CD109: variants seen among roughly 807,000 people sequenced by gnomAD.
CD109 encodes the protein CD109 molecule.
CD109 carries 149 observed loss-of-function variants against 165.8 expected under a neutral mutation model. The observed-to-expected ratio is 0.90, with a 90% confidence interval of 0.79 to 1.03. The LOEUF (loss-of-function observed/expected upper bound fraction) is 1.03. Among genes scored for constraint, CD109 ranks in the 50% least tolerant of loss-of-function variants. The pLI, the probability that CD109 is intolerant of heterozygous loss-of-function variation, is 0.00. For synonymous variants in CD109, 585 were observed against 592.1 expected, an observed-to-expected ratio of 0.99 and a Z score of 0.18; for missense variants, 1,712 against 1,677.8, an observed-to-expected ratio of 1.02 and a Z score of -0.36.
Position 73,823,920 on chromosome 6 carries a change from A to G in CD109, c.*287A>G, listed in dbSNP as rs1364532612. On this transcript the variant is annotated 3_prime_UTR_variant, in exon 33 of 33. Transcript: ENST00000287097. ...TGTTTGTTTTCTCCAGAATAAAGGT[A>G]TTACTTTAGAATAGGTATTCTCCTC... is the stretch of plus-strand genomic sequence containing the variant. The G allele has an allele frequency of 4.2e-6, 1 of 240,632 alleles. No homozygotes were observed. The highest frequency in any genetic ancestry group is 2.2e-5 in the African/African-American group (1 of 44,906). 14.9% of individuals were successfully genotyped at this position (240,632 alleles called of 1,614,324 possible).
chr6:73,750,137 T>C (rs1773134140), intron 5 of CD109, among the ~76,000 whole-genome samples: 1 of 152,038 alleles, frequency 6.6e-6, no homozygotes, highest in Non-Finnish European at 1.5e-5. Flanking sequence ...GCAGAATCAT[T>C]AGGATTAGTG....
chr6:73,758,317 T>G (rs1004827472), intron 6 of CD109, among the ~76,000 whole-genome samples: 16 of 152,158 alleles, frequency 1.1e-4, no homozygotes. Flanking sequence ...GAAACACACA[T>G]TTTTTACTCT....
chr6:73,789,864 C>A (rs1313824533), intron 22 of CD109, among the ~76,000 whole-genome samples: 1 of 150,018 alleles, frequency 6.7e-6, no homozygotes, highest in African/African-American at 2.5e-5. Context: ...GGGGTTCAAG[C>A]GAGTCTCCTG....
chr6:73,723,310 G>A (rs777565353), intron 3 of CD109, 31 bp downstream of exon 3: 1 of 1,493,138 alleles, frequency 6.7e-7, no homozygotes, highest in Admixed American at 1.7e-5. Flanking sequence ...TTTGGTTTCA[G>A]AAATATATTG....
chr6:73,772,497 C>G lies in CD109; in HGVS notation c.1827+916C>G, dbSNP rs1774074582. On this transcript the variant is annotated intron_variant, in intron 15 of 32. Transcript: ENST00000287097. Reference sequence around the variant, plus strand: ...CTCCAGCCTGGGTGACAGAGCAAGACTCTGTCTCAAAAAAAAAAAAAAAAA... The same window carrying G: ...CTCCAGCCTGGGTGACAGAGCAAGAGTCTGTCTCAAAAAAAAAAAAAAAAA... Among the ~76,000 whole-genome samples the G allele has an allele frequency of 2.4e-5, 3 of 123,392 alleles. No individual in the cohort carries two copies. The South Asian group carries it at 8.1e-4, about 33-fold the overall frequency. The allele number at this position is 123,392 out of a possible 152,430, so 80.9% of individuals were successfully genotyped here. A position where few individuals can be genotyped will look rare whatever the true frequency, so the allele number is the denominator to read the frequency against.
chr6:73,822,995 G>A (rs776249434), intron 32 of CD109, among the ~76,000 whole-genome samples: 19 of 152,212 alleles, frequency 1.2e-4, no homozygotes, highest in Non-Finnish European at 2.1e-4. Flanking sequence ...TGCATAGGCA[G>A]TCTTCCCTTC....
At chr6:73,733,684 G>T (rs962523885) in intron 4 of CD109, among the ~76,000 whole-genome samples, 31 of 152,176 alleles carry the variant, frequency 2.0e-4, no homozygotes, top group Non-Finnish European at 7.3e-5. Context: ...TTATTGGCTT[G>T]GGGGTATATC....
In CD109 at chr6:73,710,643, A is replaced by G. The variant is rs545428251; in HGVS notation, c.248-12608A>G. On this transcript the variant is annotated intron_variant, in intron 2 of 32. Transcript: ENST00000287097. The stretch of plus-strand genomic sequence containing the variant: ...GTGTTTCTCAGTATCAGATATTAAT[A>G]CTGATGCCTGACCACAAGCCTGTGG... Among the ~76,000 whole-genome samples, 9 of 152,210 alleles carry G rather than the reference A, an allele frequency of 5.9e-5. No individual in the cohort carries two copies. The East Asian group carries it at 1.7e-3, about 29-fold the overall frequency.
At chr6:73,792,548 C>T (rs1775007380) in intron 22 of CD109, 78 bp from the exon 23 acceptor site, 2 of 1,230,848 alleles carry the variant, frequency 1.6e-6, no homozygotes, top group Admixed American at 1.8e-5. Context: ...CTTCTGTACT[C>T]AGTGGAAGTC....
chr6:73,790,913 C>T (rs1218641533), intron 22 of CD109, among the ~76,000 whole-genome samples: 1 of 151,822 alleles, frequency 6.6e-6, no homozygotes, highest in African/African-American at 2.4e-5. Context: ...AATTAACCCT[C>T]ACAAATGGTT....
chr6:73,784,684 GCTTGGC>G (rs1774624556), intron 19 of CD109, among the ~76,000 whole-genome samples: 1 of 152,184 alleles, frequency 6.6e-6, no homozygotes, highest in South Asian at 2.1e-4. Flanking sequence ...CAGGTGTGGG[GCTTGGC>G]CTTTTCTGTA....
At chr6:73,730,619 C>T in intron 4 of CD109, 45 bp downstream of exon 4, 1 of 1,254,296 alleles carries the variant, frequency 8.0e-7, no homozygotes, top group Non-Finnish European at 1.1e-6. Context: ...AGCCATCTTA[C>T]TAAACCCCTC....
rs1776293380 is a variant in CD109 at position 73,826,856 on chromosome 6, T to A, written c.*3223T>A. ...ATTCTTTTGAGCCTAGGTATAATTT[T>A]TTTTTTTTTTTTAGAAAAAGACATA... On this transcript the variant is annotated 3_prime_UTR_variant, in exon 33 of 33. Coordinates refer to ENST00000287097, the MANE Select transcript of CD109 (RefSeq NM_133493.5). The A allele has an allele frequency of 6.6e-6, 1 of 151,638 alleles. No individual in the cohort carries two copies. Among genetic ancestry groups the A allele is most frequent in the South Asian group, 2.1e-4 (1 of 4,818 alleles). 9.4% of individuals were successfully genotyped at this position (151,638 alleles called of 1,614,324 possible).
intron 4 of CD109, among the ~76,000 whole-genome samples, chr6:73,735,755 A>G (rs893864914): frequency 6.6e-6 from 1 of 152,180 alleles, no homozygotes; most frequent in African/African-American, 2.4e-5. Context: ...CATGCCAGTC[A>G]CTTGAATGCG....
At chr6:73,736,315 C>T in intron 4 of CD109, 68 bp from the exon 5 acceptor site, 1 of 1,561,694 alleles carries the variant, frequency 6.4e-7, no homozygotes, top group Non-Finnish European at 8.7e-7. Context: ...GGCATTATTC[C>T]TAACCTGATA....
chr6:73,693,340 T>A (rs1770720764), upstream of CD109, among the ~76,000 whole-genome samples: 1 of 152,048 alleles, frequency 6.6e-6, no homozygotes, highest in African/African-American at 2.4e-5. Flanking sequence ...AGGCTCTTTT[T>A]AACAACCAAT....
intron 14 of CD109, among the ~76,000 whole-genome samples, chr6:73,769,182 G>A (rs182000510): frequency 9.3e-4 from 142 of 152,198 alleles, no homozygotes; most frequent in African/African-American, 2.0e-3. Flanking sequence ...GAGCCACTGC[G>A]CCAGGCCTGT....
At chr6:73,737,656 T>C (rs1216383781) in intron 5 of CD109, among the ~76,000 whole-genome samples, 1 of 152,178 alleles carries the variant, frequency 6.6e-6, no homozygotes, top group East Asian at 1.9e-4. Flanking sequence ...TAGAGCAGGA[T>C]GTGATGAGTT....
Position 73,758,929 on chromosome 6 carries a change from G to T in CD109, c.674-15G>T, listed in dbSNP as rs1773505488. On this transcript the variant is annotated splice_polypyrimidine_tract_variant and intron_variant, in intron 6 of 32. Coordinates refer to ENST00000287097, the MANE Select transcript of CD109 (RefSeq NM_133493.5). ...CAAAAAGAAAAAAAGATTTACCCTT[G>T]CTTTTCTTTTCCAGTATTACCAAAA... is the stretch of plus-strand genomic sequence containing the variant. 5 of 1,432,336 alleles carry T rather than the reference G, an allele frequency of 3.5e-6. No individual in the cohort carries two copies. The highest frequency in any genetic ancestry group is 3.9e-6 in the Non-Finnish European group (4 of 1,017,274). 88.7% of individuals were successfully genotyped at this position (1,432,336 alleles called of 1,614,324 possible).
Sources: allele counts gnomAD v4.1 joint callset (sites outside exome capture counted in the v4.1 genomes callset), GRCh38; gene constraint gnomAD v4.1.1; transcripts MANE v1.5; gene names NCBI Gene and HGNC (gene_info 2026-07-23, HGNC 2026-07-21).